Variants in KDM3A observed in about 807,000 individuals in gnomAD.
The protein encoded by KDM3A is lysine-specific demethylase 3A.
In KDM3A, 60 loss-of-function variants were observed where a neutral mutation model predicts 158.0. The observed-to-expected ratio is 0.38, with a 90% confidence interval of 0.31 to 0.47. The LOEUF is 0.47. Ranked by LOEUF, KDM3A falls within the 20% of genes least tolerant of loss-of-function variation. KDM3A has a pLI of 0.99. For synonymous variants in KDM3A, 608 were observed against 549.3 expected (o/e 1.11, Z -1.49); for missense variants, 1,319 against 1,574.3 (o/e 0.84, Z 2.74).
chr2:86,474,340 T>G (rs1443760807), intron 11 of KDM3A, among the ~76,000 whole-genome samples: 1 of 152,126 alleles, frequency 6.6e-6, no homozygotes, highest in Admixed American at 6.6e-5. Context: ...TACAGAAAAC[T>G]AGGAAGGACT....
intron 21 of KDM3A, chr2:86,486,999 C>CT (rs988344783): frequency 1.3e-5 from 2 of 152,330 alleles, no homozygotes; most frequent in African/African-American, 4.8e-5. Flanking sequence ...CCTCCATGTG[C>CT]TGTGGGTCTG....
At chr2:86,473,077 A>G (rs910589327) in intron 11 of KDM3A, among the ~76,000 whole-genome samples, 6 of 152,316 alleles carry the variant, frequency 3.9e-5, no homozygotes, top group Middle Eastern at 3.4e-3. Context: ...TATCTGTTAC[A>G]GGCTACTTCA....
At chr2:86,438,385 A>G (rs11127039), upstream of KDM3A, among the ~76,000 whole-genome samples, 11,209 of 152,094 alleles carry the variant, frequency 0.074, 469 homozygotes, top group Non-Finnish European at 0.079. Flanking sequence ...AGGACACAAA[A>G]TTTCAGTTAG....
intron 2 of KDM3A, among the ~76,000 whole-genome samples, chr2:86,443,991 C>T (rs1682850518): frequency 6.6e-6 from 1 of 152,130 alleles, no homozygotes; most frequent in South Asian, 2.1e-4. Flanking sequence ...TTAAACTTTC[C>T]AGTCTTTAGT....
intron 10 of KDM3A, 62 bp downstream of exon 10, chr2:86,466,945 T>C (rs1354118796): frequency 5.4e-5 from 70 of 1,286,170 alleles, no homozygotes; most frequent in Non-Finnish European, 6.7e-5. Context: ...ATATATCTCT[T>C]TCTTGTCCTA....
chr2:86,470,430 T>G, intron 11 of KDM3A, 22 bp downstream of exon 11: 3 of 1,601,838 alleles, frequency 1.9e-6, no homozygotes, highest in Non-Finnish European at 2.6e-6. Flanking sequence ...TGGGAAAAGT[T>G]CAGATAATCT....
Position 86,464,129 on chromosome 2 carries a change from C to T in KDM3A, c.920C>T (p.Ala307Val). 6.2e-7 allele frequency: 1 copy of T among 1,612,778 alleles called. No homozygotes were observed. The highest frequency in any genetic ancestry group is 1.7e-4 in the Middle Eastern group (1 of 6,054). The change falls in exon 9 of 26, where the codon GCA (alanine) becomes GTA (valine). Residue 307 changes from alanine to valine, a missense_variant. Coordinates refer to ENST00000312912, the MANE Select transcript of KDM3A (RefSeq NM_018433.6). ...GAGATACTGCTTGGCTGTACTGCGG[C>T]AACTCCACCTAGTAAGGACCCAAGA... Reference protein sequence around the residue: ...FKEILLGCTAATPPSKDPRQQ... With the variant: ...FKEILLGCTAVTPPSKDPRQQ...
chr2:86,476,118 ATTAG>A (rs1673649541), intron 12 of KDM3A, among the ~76,000 whole-genome samples: 1 of 152,238 alleles, frequency 6.6e-6, no homozygotes, highest in South Asian at 2.1e-4. Flanking sequence ...GACAAGCAAT[ATTAG>A]TTTTCCATTT....
intron 15 of KDM3A, 50 bp downstream of exon 15, chr2:86,478,785 CT>C: frequency 6.3e-7 from 1 of 1,575,818 alleles, no homozygotes; most frequent in Non-Finnish European, 8.7e-7. Flanking sequence ...TGTCATTTGT[CT>C]GTTTTTCAAA....
intron 21 of KDM3A, chr2:86,488,954 C>CT: frequency 4.9e-6 from 1 of 204,994 alleles, no homozygotes; most frequent in Non-Finnish European, 1.0e-5. Context: ...TGGGTGGGTG[C>CT]TTTCCCTTGG....
rs1672625067 is a variant in KDM3A at position 86,454,998 on chromosome 2, T to A, written c.454-87T>A. The stretch of plus-strand genomic sequence containing the variant: ...GTTGACACTACTTTAACCCATTTGA[T>A]TAACCAATTGAAATAGCCCACTGGA... On this transcript the variant is annotated intron_variant, in intron 4 of 25. Coordinates refer to ENST00000312912, the MANE Select transcript of KDM3A (RefSeq NM_018433.6). 1.4e-5 allele frequency: 10 copies of A among 720,754 alleles called. No individual in the cohort carries two copies. In the South Asian group the frequency reaches 2.0e-4, roughly 15 times the overall value. 44.6% of individuals were successfully genotyped at this position (720,754 alleles called of 1,614,324 possible). A position where few individuals can be genotyped will look rare whatever the true frequency, so the allele number is the denominator to read the frequency against.
At chr2:86,482,214 T>G in intron 17 of KDM3A, 112 bp downstream of exon 17, 1 of 1,300,890 alleles carries the variant, frequency 7.7e-7, no homozygotes, top group Admixed American at 2.0e-5. Flanking sequence ...TACTTACCTT[T>G]GTGGGTTCAG....
chr2:86,444,237 G>A (rs1279232322), intron 2 of KDM3A, among the ~76,000 whole-genome samples: 1 of 152,236 alleles, frequency 6.6e-6, no homozygotes, highest in East Asian at 1.9e-4. Flanking sequence ...GAGGGAGGCT[G>A]CGAATCCAGA....
chr2:86,463,709 G>GC (rs1296045911), intron 8 of KDM3A, among the ~76,000 whole-genome samples: 1 of 152,226 alleles, frequency 6.6e-6, no homozygotes, highest in East Asian at 1.9e-4. Flanking sequence ...ATGTGAAGCT[G>GC]CCACCATTTA....
At chr2:86,454,823 T>C (rs1210448493) in intron 4 of KDM3A, among the ~76,000 whole-genome samples, 2 of 152,222 alleles carry the variant, frequency 1.3e-5, no homozygotes, top group African/African-American at 2.4e-5. Context: ...TTTAAAATTA[T>C]GCTTTGAGTT....
At chr2:86,483,282 C>T (rs1205257387) in intron 18 of KDM3A, 2 of 152,468 alleles carry the variant, frequency 1.3e-5, no homozygotes, top group Admixed American at 6.5e-5. Flanking sequence ...AGGGTCTTTG[C>T]TAAAGGAACA....
chr2:86,480,052 T>G, intron 15 of KDM3A, 115 bp from the exon 16 acceptor site: 1 of 761,492 alleles, frequency 1.3e-6, no homozygotes. Context: ...AACTATTAGG[T>G]GGTTTTGTTC....
At chr2:86,487,616 A>C (rs1302353575) in intron 21 of KDM3A, 1 of 152,082 alleles carries the variant, frequency 6.6e-6, no homozygotes, top group Non-Finnish European at 1.5e-5. Flanking sequence ...CCTGATTTCC[A>C]AGCTAGAGCC....
At chr2:86,474,701 T>TTTTG (rs1553396793) in intron 11 of KDM3A, 75 bp from the exon 12 acceptor site, 5 of 429,140 alleles carry the variant, frequency 1.2e-5, no homozygotes, top group Admixed American at 3.9e-5. Context: ...TGTAAATAAG[T>TTTTG]TGTGTGTGTG....
Sources: gnomAD v4.1 joint callset for allele counts (sites outside exome capture counted in the v4.1 genomes callset) on GRCh38, gnomAD v4.1.1 for gene constraint, MANE v1.5 for transcripts, NCBI Gene and HGNC (gene_info 2026-07-23, HGNC 2026-07-21) for gene names.